Variants in CTNNA3 observed in about 807,000 individuals in gnomAD.
The protein encoded by CTNNA3 is catenin alpha 3.
CTNNA3 carries 76 observed loss-of-function variants against 95.7 expected under a neutral mutation model. That is an observed-to-expected ratio of 0.79 (90% CI 0.66 to 0.96). CTNNA3 has a LOEUF of 0.96. Among genes scored for constraint, CTNNA3 ranks in the 40% least tolerant of loss-of-function variants. The probability of loss-of-function intolerance (pLI) is 0.00; values close to 1 mark genes in which losing one functional copy is unlikely to be tolerated. For synonymous variants in CTNNA3, 431 were observed against 374.4 expected (o/e 1.15, Z -1.74); for missense variants, 1,191 against 1,089.8 (o/e 1.09, Z -1.31).
At chr10:67,227,354 G>A (rs1477766947) in intron 5 of CTNNA3, among the ~76,000 whole-genome samples, 1 of 152,130 alleles carries the variant, frequency 6.6e-6, no homozygotes, top group African/African-American at 2.4e-5. Flanking sequence ...GCCTCCCAAA[G>A]TGCTGGGATT....
intron 9 of CTNNA3, among the ~76,000 whole-genome samples, chr10:66,672,892 T>C (rs996161708): frequency 6.6e-6 from 1 of 152,130 alleles, no homozygotes; most frequent in Admixed American, 6.6e-5. Flanking sequence ...GCAGTCTATA[T>C]TCTGAGGGTC....
At chr10:67,030,095 T>C (rs1041526245) in intron 7 of CTNNA3, among the ~76,000 whole-genome samples, 1 of 152,250 alleles carries the variant, frequency 6.6e-6, no homozygotes, top group South Asian at 2.1e-4. Flanking sequence ...TGTATTTTAA[T>C]CATCAAAATA....
At chr10:67,264,556 C>T (rs1441872024) in intron 5 of CTNNA3, among the ~76,000 whole-genome samples, 2 of 152,064 alleles carry the variant, frequency 1.3e-5, no homozygotes, top group African/African-American at 4.8e-5. Context: ...AGCACATTTC[C>T]AAAATTCATA....
intron 6 of CTNNA3, among the ~76,000 whole-genome samples, chr10:67,219,119 C>T (rs1864528728): frequency 6.6e-6 from 1 of 152,188 alleles, no homozygotes; most frequent in South Asian, 2.1e-4. Flanking sequence ...GATTCCTGAA[C>T]TCTTTCAAGG....
intron 7 of CTNNA3, among the ~76,000 whole-genome samples, chr10:67,016,838 G>C (rs1852690404): frequency 1.3e-5 from 2 of 152,094 alleles, no homozygotes; most frequent in African/African-American, 2.4e-5. Flanking sequence ...AGTAGACTTT[G>C]AGAAAGTAAG....
intron 12 of CTNNA3, among the ~76,000 whole-genome samples, chr10:66,375,772 C>T (rs1385903271): frequency 6.6e-6 from 1 of 152,036 alleles, no homozygotes; most frequent in Non-Finnish European, 1.5e-5. Flanking sequence ...CAATTTACAA[C>T]AAAATTTTAG....
intron 7 of CTNNA3, among the ~76,000 whole-genome samples, chr10:67,130,837 G>A (rs1174414455): frequency 1.3e-5 from 2 of 152,040 alleles, no homozygotes; most frequent in African/African-American, 4.8e-5. Flanking sequence ...ACAAATGGAA[G>A]CACTGACAGT....
intron 5 of CTNNA3, among the ~76,000 whole-genome samples, chr10:67,358,198 A>G: frequency 6.6e-6 from 1 of 152,154 alleles, no homozygotes; most frequent in Non-Finnish European, 1.5e-5. Flanking sequence ...AACATAGAAG[A>G]AAATCTTAGT....
intron 10 of CTNNA3, among the ~76,000 whole-genome samples, chr10:66,522,787 G>A (rs1436096119): frequency 6.6e-6 from 1 of 151,218 alleles, no homozygotes; most frequent in African/African-American, 2.4e-5. Flanking sequence ...TCACAAGTTA[G>A]CACAAGTTTA....
chr10:67,342,353 C>T (rs1842239072), intron 5 of CTNNA3, among the ~76,000 whole-genome samples: 3 of 152,150 alleles, frequency 2.0e-5, no homozygotes, highest in South Asian at 2.1e-4. Flanking sequence ...CCACCCACCT[C>T]GGCCTCCCAA....
chr10:66,188,460 A>C (rs1053158023), intron 13 of CTNNA3, among the ~76,000 whole-genome samples: 7 of 151,568 alleles, frequency 4.6e-5, no homozygotes, highest in Non-Finnish European at 7.4e-5. Context: ...TCCATATATA[A>C]GTGAGATCAG....
intron 9 of CTNNA3, among the ~76,000 whole-genome samples, chr10:66,717,284 A>G (rs1848483246): frequency 6.6e-6 from 1 of 152,142 alleles, no homozygotes; most frequent in African/African-American, 2.4e-5. Flanking sequence ...AAATAATTCC[A>G]TCTTCTTTTA....
intron 7 of CTNNA3, among the ~76,000 whole-genome samples, chr10:67,017,583 C>T (rs1468112566): frequency 6.6e-6 from 1 of 152,122 alleles, no homozygotes; most frequent in Non-Finnish European, 1.5e-5. Context: ...CTTGCAGTAA[C>T]AGAAACTCAT....
chr10:66,899,033 C>T (rs1404451226), intron 7 of CTNNA3, among the ~76,000 whole-genome samples: 1 of 152,070 alleles, frequency 6.6e-6, no homozygotes, highest in Non-Finnish European at 1.5e-5. Context: ...ACTAAATTAT[C>T]CAATTAAAAA....
intron 13 of CTNNA3, among the ~76,000 whole-genome samples, chr10:66,143,520 C>T (rs1437661935): frequency 1.3e-5 from 2 of 152,224 alleles, no homozygotes; most frequent in South Asian, 2.1e-4. Flanking sequence ...CTTGTTTCTA[C>T]TCACAATTAA....
At chr10:66,479,076 T>A (rs970829995) in intron 11 of CTNNA3, among the ~76,000 whole-genome samples, 3 of 151,944 alleles carry the variant, frequency 2.0e-5, no homozygotes, top group Non-Finnish European at 2.9e-5. Context: ...TTCGTTTTTG[T>A]ACAGTTTTTG....
intron 2 of CTNNA3, among the ~76,000 whole-genome samples, chr10:67,608,544 G>T (rs139288361): frequency 6.6e-6 from 1 of 152,252 alleles, no homozygotes; most frequent in East Asian, 1.9e-4. Context: ...AGTATATGAA[G>T]TGAGAAATGT....
chr10:66,890,500 T>C (rs1845225956), intron 7 of CTNNA3, among the ~76,000 whole-genome samples: 1 of 151,992 alleles, frequency 6.6e-6, no homozygotes, highest in African/African-American at 2.4e-5. Flanking sequence ...GTATTGATAC[T>C]GGTGAGAGAT....
chr10:66,531,865 T>C (rs1237005296), intron 10 of CTNNA3, among the ~76,000 whole-genome samples: 1 of 152,036 alleles, frequency 6.6e-6, no homozygotes, highest in African/African-American at 2.4e-5. Context: ...AAAAAATAAA[T>C]ATAGGCAACA....
Sources: allele counts gnomAD v4.1 joint callset (sites outside exome capture counted in the v4.1 genomes callset), GRCh38; gene constraint gnomAD v4.1.1; transcripts MANE v1.5; gene names NCBI Gene and HGNC (gene_info 2026-07-23, HGNC 2026-07-21).